Variants in DYNC1I1 observed in about 807,000 individuals in gnomAD.
DYNC1I1 encodes the protein dynein cytoplasmic 1 intermediate chain 1.
DYNC1I1 carries 43 observed loss-of-function variants against 86.6 expected under a neutral mutation model. The ratio of observed to expected loss-of-function variants is 0.50; its 90% CI spans 0.39 to 0.64. The LOEUF (loss-of-function observed/expected upper bound fraction) is 0.64. DYNC1I1 is among the 30% of genes least tolerant of loss of function. DYNC1I1 has a pLI of 0.00. For synonymous variants in DYNC1I1, 262 were observed against 283.7 expected (o/e 0.92, Z 0.77); for missense variants, 604 against 788.8 (o/e 0.77, Z 2.81).
intron 6 of DYNC1I1, among the ~76,000 whole-genome samples, chr7:95,950,070 C>A (rs1289062744): frequency 6.6e-6 from 1 of 151,706 alleles, no homozygotes; most frequent in Non-Finnish European, 1.5e-5. Flanking sequence ...GAATTCTTTC[C>A]TTTTTCCTTA....
At position 96,089,140 on chromosome 7, in the gene DYNC1I1, C is replaced by T. The variant is rs1222855344; in HGVS notation, c.1777-8343C>T. Among the ~76,000 whole-genome samples, 3 of 143,304 alleles carry T rather than the reference C, an allele frequency of 2.1e-5. 1 individual carries two copies. Among genetic ancestry groups the T allele is most frequent in the South Asian group, 4.4e-4 (2 of 4,502 alleles). The allele number at this position is 143,304 out of a possible 152,430, so 94.0% of individuals were successfully genotyped here. A position where few individuals can be genotyped will look rare whatever the true frequency, so the allele number is the denominator to read the frequency against. On this transcript the variant is annotated intron_variant, in intron 16 of 16. Transcript: ENST00000447467. ...GAATAAATAAATAAGAAAGTGAACA[C>T]CTTCTAGTATGATTTAAAAAAAAAA...
chr7:95,985,455 T>G (rs1182754508), intron 8 of DYNC1I1, among the ~76,000 whole-genome samples: 2 of 152,154 alleles, frequency 1.3e-5, no homozygotes, highest in Non-Finnish European at 2.9e-5. Context: ...TGTATATGCC[T>G]TTTAGGAAAC....
chr7:95,873,472 A>C (rs1790226618), intron 6 of DYNC1I1, among the ~76,000 whole-genome samples: 1 of 152,220 alleles, frequency 6.6e-6, no homozygotes, highest in South Asian at 2.1e-4. Flanking sequence ...TTCGACTCTT[A>C]ATATTAGAGA....
chr7:96,056,974 A>G (rs934996370), intron 14 of DYNC1I1, among the ~76,000 whole-genome samples: 1 of 152,164 alleles, frequency 6.6e-6, no homozygotes, highest in African/African-American at 2.4e-5. Flanking sequence ...TGCTTTCTTA[A>G]TCATTTCAAA....
At chr7:95,932,871 ATTT>A (rs1791935738) in intron 6 of DYNC1I1, among the ~76,000 whole-genome samples, 1 of 124,478 alleles carries the variant, frequency 8.0e-6, no homozygotes, top group Non-Finnish European at 1.6e-5. Context: ...ATCTTTATTT[ATTT>A]TTTAATTTTT....
intron 16 of DYNC1I1, among the ~76,000 whole-genome samples, chr7:96,096,780 C>T (rs1385374039): frequency 6.6e-6 from 1 of 152,092 alleles, no homozygotes; most frequent in South Asian, 2.1e-4. Context: ...ATTCCATTGA[C>T]ACTTATATTT....
intron 7 of DYNC1I1, among the ~76,000 whole-genome samples, chr7:95,977,837 T>C (rs976748379): frequency 6.6e-6 from 1 of 152,218 alleles, no homozygotes; most frequent in African/African-American, 2.4e-5. Flanking sequence ...ACAATTTCAG[T>C]AACAATTTTA....
At chr7:95,945,339 A>T (rs2116461765) in intron 6 of DYNC1I1, among the ~76,000 whole-genome samples, 1 of 152,266 alleles carries the variant, frequency 6.6e-6, no homozygotes, top group Admixed American at 6.5e-5. Flanking sequence ...TTAATAATAA[A>T]GTCTTCTAAA....
At chr7:95,939,617 AACCCCT>A (rs891372888) in intron 6 of DYNC1I1, among the ~76,000 whole-genome samples, 13 of 150,838 alleles carry the variant, frequency 8.6e-5, no homozygotes, top group African/African-American at 3.2e-4. Flanking sequence ...CTAGGATTGC[AACCCCT>A]GCCTTTTTTT....
intron 5 of DYNC1I1, among the ~76,000 whole-genome samples, chr7:95,869,223 C>T (rs940879856): frequency 3.3e-5 from 5 of 152,148 alleles, no homozygotes; most frequent in African/African-American, 1.2e-4. Context: ...TGAAGTGCTA[C>T]ATAAATATTC....
chr7:95,908,913 T>C (rs956520308), intron 6 of DYNC1I1, among the ~76,000 whole-genome samples: 5 of 151,816 alleles, frequency 3.3e-5, no homozygotes, highest in Non-Finnish European at 5.9e-5. Flanking sequence ...AGACAAAACA[T>C]AAACTGCATT....
chr7:95,854,732 A>G (rs1235066838), intron 5 of DYNC1I1, among the ~76,000 whole-genome samples: 4 of 152,208 alleles, frequency 2.6e-5, no homozygotes, highest in Non-Finnish European at 5.9e-5. Context: ...CGAACAGTTC[A>G]CAAATCAGGT....
chr7:95,989,434 A>G (rs1793675644), intron 9 of DYNC1I1, among the ~76,000 whole-genome samples: 1 of 152,196 alleles, frequency 6.6e-6, no homozygotes, highest in African/African-American at 2.4e-5. Context: ...GAGTGTGTGC[A>G]CAGAAATCAG....
intron 6 of DYNC1I1, among the ~76,000 whole-genome samples, chr7:95,877,425 T>A (rs1488125928): frequency 6.6e-6 from 1 of 152,196 alleles, no homozygotes; most frequent in Non-Finnish European, 1.5e-5. Context: ...CACAGCCAGC[T>A]GCTAAAGCAA....
intron 1 of DYNC1I1, among the ~76,000 whole-genome samples, chr7:95,788,059 A>T (rs557276797): frequency 3.3e-5 from 5 of 152,186 alleles, no homozygotes; most frequent in Non-Finnish European, 7.4e-5. Context: ...TGTGTTGTGT[A>T]GGGCCATGGA....
intron 6 of DYNC1I1, among the ~76,000 whole-genome samples, chr7:95,941,454 C>G (rs1792215515): frequency 6.6e-6 from 1 of 152,146 alleles, no homozygotes; most frequent in African/African-American, 2.4e-5. Context: ...TGGGCTCCAC[C>G]CAGTTCGAGC....
In DYNC1I1 at chr7:95,927,971, C is replaced by T. The variant is rs976682580; in HGVS notation, c.491-49541C>T. Among the ~76,000 whole-genome samples, 5 of 152,182 alleles carry T rather than the reference C, an allele frequency of 3.3e-5. No homozygotes were observed. In the South Asian group the frequency reaches 1.0e-3, roughly 32 times the overall value. ...GCGTCTGTTTCACAGAACCCAAGGC[C>T]TGAAATAGCAGGAGGGCTGTGTTGT... On this transcript the variant is annotated intron_variant, in intron 6 of 16. Transcript: ENST00000447467.
Position 96,110,015 on chromosome 7 carries a change from TG to T in DYNC1I1, c.1581del (p.Trp527Ter). On this transcript the variant is annotated frameshift_variant, in exon 17 of 17. Coordinates refer to the DYNC1I1 transcript ENST00000537881. LOFTEE classifies it high-confidence loss of function. Reference sequence around the variant, plus strand: ...GTTGCCAGGCTGGTCTCAAAATTCCTGGACTCAAGCAATCCTCCTATGTTGG... The same window carrying T: ...GTTGCCAGGCTGGTCTCAAAATTCCTGACTCAAGCAATCCTCCTATGTTGG... 1 of 412,362 alleles carries T rather than the reference TG, an allele frequency of 2.4e-6. No individual in the cohort carries two copies. Among genetic ancestry groups the T allele is most frequent in the Admixed American group, 2.9e-5 (1 of 34,764 alleles). The allele number at this position is 412,362 out of a possible 1,614,324, so 25.5% of individuals were successfully genotyped here. A position where few individuals can be genotyped will look rare whatever the true frequency, so the allele number is the denominator to read the frequency against.
chr7:95,825,922 A>T (rs537716315), intron 4 of DYNC1I1, among the ~76,000 whole-genome samples: 2 of 152,310 alleles, frequency 1.3e-5, no homozygotes, highest in African/African-American at 4.8e-5. Context: ...CTCCAGATTT[A>T]CTGATCTACT....
Sources: allele counts gnomAD v4.1 joint callset (sites outside exome capture counted in the v4.1 genomes callset), GRCh38; gene constraint gnomAD v4.1.1; transcripts MANE v1.5; gene names NCBI Gene and HGNC (gene_info 2026-07-23, HGNC 2026-07-21).